The following ATP5MC2 variants were observed in gnomAD, a reference collection of about 807,000 sequenced individuals.
ATP5MC2 encodes ATP synthase membrane subunit c locus 2.
Under a neutral mutation model 13.5 loss-of-function variants are expected in ATP5MC2, and 11 were observed. That is an observed-to-expected ratio of 0.81 (90% CI 0.51 to 1.35). ATP5MC2 has a LOEUF of 1.35. Among genes scored for constraint, ATP5MC2 ranks in the 40% most tolerant of loss-of-function variants. The probability of loss-of-function intolerance (pLI) is 0.00; values close to 1 mark genes in which losing one functional copy is unlikely to be tolerated. For synonymous variants in ATP5MC2, 64 were observed against 69.7 expected, an observed-to-expected ratio of 0.92 and a Z score of 0.41; for missense variants, 132 against 175.0, an observed-to-expected ratio of 0.75 and a Z score of 1.39.
intron 1 of ATP5MC2, 143 bp downstream of exon 1, chr12:53,675,910 A>G: frequency 7.8e-7 from 1 of 1,289,252 alleles, no homozygotes; most frequent in Non-Finnish European, 1.0e-6. Context: ...GCCAACTCTA[A>G]GGCTAAGGGA....
At chr12:53,671,804 G>T (rs946445819) in intron 2 of ATP5MC2, among the ~76,000 whole-genome samples, 1 of 152,074 alleles carries the variant, frequency 6.6e-6, no homozygotes, top group Non-Finnish European at 1.5e-5. Flanking sequence ...GGCCGAGGAC[G>T]GCGGATCACC....
At chr12:53,665,476 A>C (rs1225439707) in intron 4 of ATP5MC2, 48 bp from the exon 5 acceptor site, 1 of 1,426,914 alleles carries the variant, frequency 7.0e-7, no homozygotes, top group South Asian at 1.1e-5. Flanking sequence ...TCACACAAAG[A>C]AAAGGATAAA....
upstream of ATP5MC2, chr12:53,676,370 C>T (rs1945279069): frequency 1.2e-6 from 1 of 869,304 alleles, no homozygotes; most frequent in African/African-American, 1.8e-5. Context: ...GGACTTGCGT[C>T]CCCTTTCCGA....
intron 4 of ATP5MC2, among the ~76,000 whole-genome samples, chr12:53,667,434 G>C (rs373732404): frequency 1.3e-5 from 2 of 152,276 alleles, no homozygotes; most frequent in African/African-American, 4.8e-5. Context: ...AATAATTTTA[G>C]GTTTTGTGGG....
chr12:53,672,633 T>A lies in ATP5MC2; in HGVS notation c.-19A>T, dbSNP rs745449662. ...CGAACATTTTCAGGGGGTGAGGAGC[T>A]GTGGCAGGAGAGCTGGAATTACAGA... is the stretch of plus-strand genomic sequence containing the variant. On this transcript the variant is annotated 5_prime_UTR_variant, in exon 2 of 5. Coordinates refer to ENST00000394349, the MANE Select transcript of ATP5MC2 (RefSeq NM_005176.7). 2.9e-5 allele frequency: 45 copies of A among 1,578,832 alleles called. No individual in the cohort carries two copies. Among genetic ancestry groups the A allele is most frequent in the Non-Finnish European group, 3.9e-5 (45 of 1,162,050 alleles).
At chr12:53,681,169 G>A (rs1369272821), upstream of ATP5MC2, among the ~76,000 whole-genome samples, 1 of 151,580 alleles carries the variant, frequency 6.6e-6, no homozygotes, top group Non-Finnish European at 1.5e-5. Flanking sequence ...GCCTTCCAAA[G>A]TGCTGGGATT....
intron 4 of ATP5MC2, among the ~76,000 whole-genome samples, chr12:53,666,463 G>C (rs1478621268): frequency 6.6e-6 from 1 of 152,130 alleles, no homozygotes; most frequent in Admixed American, 6.6e-5. Context: ...TGTAGTCCCA[G>C]CTACTCAGGA....
intron 2 of ATP5MC2, among the ~76,000 whole-genome samples, chr12:53,670,915 G>A (rs551271633): frequency 4.6e-5 from 7 of 151,888 alleles, no homozygotes; most frequent in South Asian, 4.2e-4. Context: ...GAGCCACCAC[G>A]CCCAGCCCGA....
chr12:53,666,169 C>T (rs956918937), intron 4 of ATP5MC2, among the ~76,000 whole-genome samples: 34 of 151,400 alleles, frequency 2.2e-4, no homozygotes, highest in Admixed American at 1.1e-3. Context: ...TTAGGCCAGG[C>T]GCGGTGGCTC....
chr12:53,672,070 C>T (rs533073381), intron 2 of ATP5MC2, among the ~76,000 whole-genome samples: 2 of 62,684 alleles, frequency 3.2e-5, no homozygotes, highest in East Asian at 9.6e-4. Context: ...GCAACAAGAG[C>T]GAAACTCTGT....
At chr12:53,674,457 T>G (rs1316456730) in intron 1 of ATP5MC2, among the ~76,000 whole-genome samples, 2 of 152,236 alleles carry the variant, frequency 1.3e-5, no homozygotes, top group Non-Finnish European at 2.9e-5. Flanking sequence ...AACCCAGTCT[T>G]GAAACTGTGG....
chr12:53,669,338 G>T lies in ATP5MC2; in HGVS notation c.121C>A (p.Leu41Ile). ...GGACATGAGACTGCCAAGCTGCTGA[G>T]GCTCTGTGAAAAAGAGGCAGGTAGA... ...KRPEILTDESLSSLAVSCPLT... is the reference protein window; with the variant it reads ...KRPEILTDESISSLAVSCPLT... Residue 41 changes from leucine (L) to isoleucine (I), a missense_variant, in exon 4 of 5, where the codon CTC becomes ATC. Leu to Ile is a conservative substitution (Grantham distance 5). Transcript: ENST00000394349. 1 of 1,610,640 alleles carries T rather than the reference G, an allele frequency of 6.2e-7. No homozygotes were observed. The highest frequency in any genetic ancestry group is 1.1e-5 in the South Asian group (1 of 90,620).
chr12:53,676,887 C>T (rs1179677467), upstream of ATP5MC2: 1 of 152,564 alleles, frequency 6.6e-6, no homozygotes, highest in Non-Finnish European at 1.5e-5. Context: ...TTTCGCTCGC[C>T]CTTCCCCTGA....
At chr12:53,669,588 T>C (rs1945033074) in intron 3 of ATP5MC2, among the ~76,000 whole-genome samples, 2 of 152,270 alleles carry the variant, frequency 1.3e-5, no homozygotes, top group South Asian at 4.1e-4. Context: ...AAGGAGATCA[T>C]CTTCCTAGGA....
chr12:53,667,215 G>A (rs528645410), intron 4 of ATP5MC2, among the ~76,000 whole-genome samples: 9 of 152,250 alleles, frequency 5.9e-5, no homozygotes, highest in Non-Finnish European at 1.2e-4. Context: ...GTCTCTAGAG[G>A]ATTAATTTGG....
At chr12:53,676,348 G>GGAC, upstream of ATP5MC2, 5 of 1,129,974 alleles carry the variant, frequency 4.4e-6, no homozygotes, top group African/African-American at 3.1e-5. Context: ...TCTGTACCGC[G>GGAC]TTTGGGATCT....
chr12:53,665,428 C>G lies in ATP5MC2; in HGVS notation c.312G>C (p.Arg104Ser), dbSNP rs1485326768. The change falls in exon 5 of 5, where the codon AGG becomes AGC. Residue 104 changes from arginine (R) to serine (S), a missense_variant and splice_region_variant. Arg to Ser is a moderately radical substitution (Grantham distance 110). Transcript: ENST00000394349. The stretch of plus-strand genomic sequence containing the variant: ...AGAGCTGTTGCTTCAGAGAAGGGTT[C>G]CTGGTAGAAGGAGAAGAGAAAAGAC... ...VFGSLIIGYARNPSLKQQLFS... is the reference protein window; with the variant it reads ...VFGSLIIGYASNPSLKQQLFS... The G allele has an allele frequency of 6.2e-7, 1 of 1,611,050 alleles. No homozygotes were observed. The highest frequency in any genetic ancestry group is 1.1e-5 in the South Asian group (1 of 91,016).
chr12:53,669,130 G>T lies in ATP5MC2; in HGVS notation c.311+18C>A. ...GAAAGCATATCAGATAACCAGTGGA[G>T]GGTCCAACTTATCTTACCTGGCATA... On this transcript the variant is annotated intron_variant, in intron 4 of 4. Transcript: ENST00000394349. 1 of 1,594,792 alleles carries T rather than the reference G, an allele frequency of 6.3e-7. No homozygotes were observed. The highest frequency in any genetic ancestry group is 8.5e-7 in the Non-Finnish European group (1 of 1,169,602).
chr12:53,667,714 C>G (rs1944959060), intron 4 of ATP5MC2, among the ~76,000 whole-genome samples: 1 of 151,766 alleles, frequency 6.6e-6, no homozygotes, highest in Admixed American at 6.6e-5. Context: ...CCAGGCTAGT[C>G]TCGAACTCCT....
Sources: gnomAD v4.1 joint callset for allele counts (sites outside exome capture counted in the v4.1 genomes callset) on GRCh38, gnomAD v4.1.1 for gene constraint, MANE v1.5 for transcripts, NCBI Gene and HGNC (gene_info 2026-07-23, HGNC 2026-07-21) for gene names.